Variants in ERC2 observed in about 807,000 individuals in gnomAD.
The protein encoded by ERC2 is ERC protein 2.
ERC2 carries 42 observed loss-of-function variants against 114.8 expected under a neutral mutation model. The ratio of observed to expected loss-of-function variants is 0.37; its 90% CI spans 0.29 to 0.47. The LOEUF (loss-of-function observed/expected upper bound fraction) is 0.47, where lower values mean the gene tolerates loss of function less well. Ranked by LOEUF, ERC2 falls within the 20% of genes least tolerant of loss-of-function variation. ERC2 has a pLI of 0.99. For missense variants in ERC2, 939 were observed against 1,150.7 expected (o/e 0.82, Z 2.66); for synonymous variants, 454 against 425.5 (o/e 1.07, Z -0.82).
chr3:55,969,700 A>G (rs1014160617), intron 12 of ERC2, among the ~76,000 whole-genome samples: 5 of 152,168 alleles, frequency 3.3e-5, no homozygotes, highest in African/African-American at 1.2e-4. Flanking sequence ...CTTCCTCTAG[A>G]GCCACACAGA....
intron 17 of ERC2, among the ~76,000 whole-genome samples, chr3:55,515,842 G>A (rs1418338137): frequency 1.3e-5 from 2 of 152,092 alleles, no homozygotes; most frequent in African/African-American, 4.8e-5. Flanking sequence ...ACACCTGCCC[G>A]ATTATGGCTT....
rs190872473 is a variant in ERC2, at chr3:56,353,075, G to C, written c.658-56640C>G. Reference sequence around the variant, plus strand: ...AAAAGGCATGAGTCTAGGAGGCAAGGGTCATGGGGTCTGTTAGAGTCTGTT... The same window carrying C: ...AAAAGGCATGAGTCTAGGAGGCAAGCGTCATGGGGTCTGTTAGAGTCTGTT... On this transcript the variant is annotated intron_variant, in intron 2 of 17. Coordinates refer to ENST00000288221, the MANE Select transcript of ERC2 (RefSeq NM_015576.3). Among the ~76,000 whole-genome samples the C allele has an allele frequency of 3.3e-5, 5 of 152,104 alleles. No homozygotes were observed. In the East Asian group the frequency reaches 5.8e-4, roughly 18 times the overall value.
chr3:55,811,472 C>A (rs1168028727), intron 14 of ERC2, among the ~76,000 whole-genome samples: 2 of 152,146 alleles, frequency 1.3e-5, no homozygotes, highest in East Asian at 3.8e-4. Context: ...TTAAAAGAGG[C>A]AAATGGCACA....
chr3:55,887,070 A>T (rs2063379978), intron 14 of ERC2, among the ~76,000 whole-genome samples: 3 of 152,234 alleles, frequency 2.0e-5, no homozygotes, highest in Admixed American at 2.0e-4. Flanking sequence ...GAGTTCACAT[A>T]AACTCCTGGA....
chr3:56,343,065 C>T (rs539360831), intron 2 of ERC2, among the ~76,000 whole-genome samples: 1 of 152,094 alleles, frequency 6.6e-6, no homozygotes, highest in Non-Finnish European at 1.5e-5. Flanking sequence ...ACCAACCTTT[C>T]CCACCATCAG....
At chr3:55,613,708 G>A (rs770909612) in intron 17 of ERC2, among the ~76,000 whole-genome samples, 3 of 152,116 alleles carry the variant, frequency 2.0e-5, no homozygotes, top group Non-Finnish European at 4.4e-5. Context: ...GCCGGGCGTG[G>A]TGGCTCATGC....
rs557704800 is a variant in ERC2, at chr3:55,932,429, A to G, written c.2403+17996T>C. On this transcript the variant is annotated intron_variant, in intron 13 of 17. Transcript: ENST00000288221. Reference sequence around the variant, plus strand: ...TCTTTATAACAACCCTAAGAGATGGATATCATGTTTTCTTAGTAATTCTGC... The same window carrying G: ...TCTTTATAACAACCCTAAGAGATGGGTATCATGTTTTCTTAGTAATTCTGC... Among the ~76,000 whole-genome samples, 33 of 152,252 alleles carry G rather than the reference A, an allele frequency of 2.2e-4. 1 individual carries two copies. Among genetic ancestry groups the G allele is most frequent in the South Asian group, 4.1e-4 (2 of 4,824 alleles).
At chr3:56,129,991 T>C (rs1394074590) in intron 6 of ERC2, among the ~76,000 whole-genome samples, 1 of 152,188 alleles carries the variant, frequency 6.6e-6, no homozygotes, top group Non-Finnish European at 1.5e-5. Context: ...ACATTGACAA[T>C]GGGCTAAGGT....
rs142218435 is a variant in ERC2, at chr3:56,104,743, T to C, written c.1474-23759A>G. 3.0e-3 allele frequency among the ~76,000 whole-genome samples: 463 copies of C among 152,258 alleles called. 9 individuals are homozygous for C. The East Asian group carries it at 0.038, about 13-fold the overall frequency. On this transcript the variant is annotated intron_variant, in intron 6 of 17. Transcript: ENST00000288221. ...ATATCCCCAAAGAATTTCATCCATT[T>C]ATTTAAAAATATTCCTGGGGTACCT...
chr3:56,081,678 A>G (rs1327844483), intron 6 of ERC2, among the ~76,000 whole-genome samples: 3 of 152,242 alleles, frequency 2.0e-5, no homozygotes, highest in Non-Finnish European at 2.9e-5. Flanking sequence ...AAAAGAAAAT[A>G]TAAGTTTTTT....
chr3:55,817,053 G>A (rs761962526), intron 14 of ERC2, among the ~76,000 whole-genome samples: 1 of 152,200 alleles, frequency 6.6e-6, no homozygotes, highest in Non-Finnish European at 1.5e-5. Flanking sequence ...ACTTTCAAAG[G>A]TAAGGCTTGT....
Position 55,912,702 on chromosome 3 carries a change from C to A in ERC2, c.2404-24153G>T, listed in dbSNP as rs540365383. Among the ~76,000 whole-genome samples the A allele has an allele frequency of 8.5e-5, 12 of 141,048 alleles. No homozygotes were observed. The East Asian group carries it at 2.4e-3, about 28-fold the overall frequency. The allele number at this position is 141,048 out of a possible 152,430, so 92.5% of individuals were successfully genotyped here. A position where few individuals can be genotyped will look rare whatever the true frequency, so the allele number is the denominator to read the frequency against. Reference sequence around the variant, plus strand: ...ACAGTGGTTTTCCTTGATTATGAATCATGGGCTCTTTTTTTCTATTTCTCA... The same window carrying A: ...ACAGTGGTTTTCCTTGATTATGAATAATGGGCTCTTTTTTTCTATTTCTCA... On this transcript the variant is annotated intron_variant, in intron 13 of 17. Transcript: ENST00000288221.
intron 13 of ERC2, among the ~76,000 whole-genome samples, chr3:55,917,246 T>G (rs2065151763): frequency 1.3e-5 from 2 of 152,094 alleles, no homozygotes; most frequent in South Asian, 2.1e-4. Flanking sequence ...AACAAGATTT[T>G]TGCAAGAAAA....
intron 3 of ERC2, among the ~76,000 whole-genome samples, chr3:56,268,754 G>A (rs1029913674): frequency 6.6e-6 from 1 of 152,094 alleles, no homozygotes; most frequent in African/African-American, 2.4e-5. Context: ...GACCAAAATA[G>A]AAGGGCAGGC....
chr3:56,275,220 T>A (rs894210534), intron 3 of ERC2, among the ~76,000 whole-genome samples: 11 of 152,194 alleles, frequency 7.2e-5, no homozygotes, highest in African/African-American at 2.7e-4. Context: ...AATAAGCAGA[T>A]TTTTTTATGA....
intron 1 of ERC2, among the ~76,000 whole-genome samples, chr3:56,461,267 G>GT (rs1186152986): frequency 6.6e-6 from 1 of 152,188 alleles, no homozygotes; most frequent in African/African-American, 2.4e-5. Flanking sequence ...CAAAGATGGT[G>GT]TATCAGTAAA....
intron 14 of ERC2, among the ~76,000 whole-genome samples, chr3:55,850,485 C>T (rs1466975393): frequency 6.6e-6 from 1 of 152,130 alleles, no homozygotes; most frequent in Non-Finnish European, 1.5e-5. Context: ...GAAGGCCTCC[C>T]AATCTTCCTA....
At chr3:55,575,024 T>C (rs1409314135) in intron 17 of ERC2, among the ~76,000 whole-genome samples, 2 of 152,114 alleles carry the variant, frequency 1.3e-5, no homozygotes, top group Non-Finnish European at 2.9e-5. Flanking sequence ...TTCTTTCTGT[T>C]TTTTTCTGAG....
At chr3:55,827,518 A>G (rs2149172869) in intron 14 of ERC2, among the ~76,000 whole-genome samples, 1 of 152,320 alleles carries the variant, frequency 6.6e-6, no homozygotes, top group Middle Eastern at 3.4e-3. Context: ...TTGCTTCTAC[A>G]AATGCTATAT....
Sources: gnomAD v4.1 joint callset for allele counts (sites outside exome capture counted in the v4.1 genomes callset) on GRCh38, gnomAD v4.1.1 for gene constraint, MANE v1.5 for transcripts, NCBI Gene and HGNC (gene_info 2026-07-23, HGNC 2026-07-21) for gene names.